The following ASTN1 variants were observed in gnomAD, a reference collection of about 807,000 sequenced individuals.
ASTN1 encodes the protein astrotactin 1, also known as astrotactin-1.
A neutral mutation model predicts 140.7 loss-of-function variants in ASTN1; 41 were observed. That is an observed-to-expected ratio of 0.29 (90% CI 0.23 to 0.38). The LOEUF is 0.38. ASTN1 is among the 10% of genes least tolerant of loss of function. The pLI is 1.00. For synonymous variants in ASTN1, 640 were observed against 652.2 expected (o/e 0.98, Z 0.29); for missense variants, 1,479 against 1,678.8 (o/e 0.88, Z 2.08).
intron 1 of ASTN1, among the ~76,000 whole-genome samples, chr1:177,119,679 C>CG (rs1284586613): frequency 1.3e-5 from 2 of 152,152 alleles, no homozygotes; most frequent in Non-Finnish European, 2.9e-5. Flanking sequence ...CCTAGGACTC[C>CG]GTATACTCCT....
chr1:177,035,686 A>G (rs1315040073), intron 2 of ASTN1, among the ~76,000 whole-genome samples: 2 of 152,212 alleles, frequency 1.3e-5, no homozygotes, highest in African/African-American at 2.4e-5. Context: ...GACCCATTGC[A>G]TATCTATCTC....
chr1:177,116,456 A>C (rs11590343), intron 1 of ASTN1, among the ~76,000 whole-genome samples: 8,597 of 152,266 alleles, frequency 0.056, 270 homozygotes, highest in Admixed American at 0.067. Context: ...TTTAGGTAAC[A>C]GTTTCCTTCC....
At chr1:176,907,569 AG>A (rs1392127098) in intron 16 of ASTN1, among the ~76,000 whole-genome samples, 5 of 152,248 alleles carry the variant, frequency 3.3e-5, no homozygotes, top group Admixed American at 6.5e-5. Flanking sequence ...GTCCTGCTTT[AG>A]GGGGAAATAA....
chr1:177,126,125 C>G (rs1209724729), intron 1 of ASTN1, among the ~76,000 whole-genome samples: 1 of 152,170 alleles, frequency 6.6e-6, no homozygotes, highest in East Asian at 1.9e-4. Flanking sequence ...GCTTTCTTGG[C>G]TCATTCCTTG....
chr1:176,873,079 T>C (rs551755156), intron 21 of ASTN1, among the ~76,000 whole-genome samples: 2 of 152,366 alleles, frequency 1.3e-5, no homozygotes, highest in South Asian at 2.1e-4. Flanking sequence ...AATAGGATTA[T>C]AAAATTCTTG....
chr1:177,006,612 A>C (rs1321443915), intron 8 of ASTN1, among the ~76,000 whole-genome samples: 2 of 152,236 alleles, frequency 1.3e-5, no homozygotes. Flanking sequence ...ATAAAATTGA[A>C]ACAATTTATC....
intron 16 of ASTN1, among the ~76,000 whole-genome samples, chr1:176,909,885 A>G (rs1371342845): frequency 6.6e-6 from 1 of 152,208 alleles, no homozygotes; most frequent in East Asian, 1.9e-4. Flanking sequence ...ACTCAGCTAC[A>G]TTATGTCATG....
intron 1 of ASTN1, among the ~76,000 whole-genome samples, chr1:177,163,281 T>G (rs1189274213): frequency 1.3e-5 from 2 of 152,182 alleles, no homozygotes; most frequent in Non-Finnish European, 2.9e-5. Flanking sequence ...TTCTTTGAAT[T>G]TCTCCTGGGC....
At position 176,882,954 on chromosome 1, in the gene ASTN1, T is replaced by C. The variant is rs990090422; in HGVS notation, c.3267A>G (p.Ala1089=). ...LSFVDDIISG[A]KSPCAMPSQV... Reference sequence around the variant, plus strand: ...GAGATGGCATTGCACAAGGAGACTTTGCTCCAGAGATGATGTCGTCCACAA... The same window carrying C: ...GAGATGGCATTGCACAAGGAGACTTCGCTCCAGAGATGATGTCGTCCACAA... Residue 1089 remains alanine (A), a synonymous_variant, in exon 20 of 23, where the codon GCA becomes GCG. Coordinates refer to ENST00000361833, the MANE Select transcript of ASTN1 (RefSeq NM_004319.3). 5.6e-6 allele frequency: 9 copies of C among 1,614,170 alleles called. No homozygotes were observed. Among genetic ancestry groups the C allele is most frequent in the Non-Finnish European group, 5.9e-6 (7 of 1,180,026 alleles).
chr1:177,006,839 G>A (rs1297515530), intron 8 of ASTN1, among the ~76,000 whole-genome samples: 1 of 152,178 alleles, frequency 6.6e-6, no homozygotes, highest in Non-Finnish European at 1.5e-5. Flanking sequence ...CCACGGGGAG[G>A]AGGTGGGATG....
intron 17 of ASTN1, among the ~76,000 whole-genome samples, chr1:176,889,121 A>T (rs1453629541): frequency 6.6e-6 from 1 of 152,254 alleles, no homozygotes; most frequent in Non-Finnish European, 1.5e-5. Context: ...TTTACTATTA[A>T]GTAAAAGGAC....
intron 1 of ASTN1, among the ~76,000 whole-genome samples, chr1:177,113,176 G>C (rs1680904479): frequency 6.6e-6 from 1 of 152,066 alleles, no homozygotes; most frequent in African/African-American, 2.4e-5. Context: ...GGAGGCACGG[G>C]GGCAGTCAAT....
In ASTN1 at chr1:177,014,413, C is replaced by T. The variant is rs1675442217; in HGVS notation, c.1523+378G>A. On this transcript the variant is annotated intron_variant, in intron 8 of 22. Transcript: ENST00000361833. ...TTCCACTCATGTCAGTCTTGCAAAG[C>T]TCATCAGGCTCTGGGAGAGCTACAT... Among the ~76,000 whole-genome samples the T allele has an allele frequency of 2.6e-5, 4 of 152,160 alleles. No homozygotes were observed. In the South Asian group the frequency reaches 8.3e-4, roughly 31 times the overall value.
chr1:176,965,343 G>A, intron 8 of ASTN1, 106 bp from the exon 9 acceptor site: 2 of 1,089,258 alleles, frequency 1.8e-6, no homozygotes, highest in South Asian at 1.5e-5. Flanking sequence ...AGCCATCCAG[G>A]GCATAGCCTC....
At chr1:177,024,388 T>C (rs1675992228) in intron 6 of ASTN1, among the ~76,000 whole-genome samples, 195 bp downstream of exon 6, 2 of 152,192 alleles carry the variant, frequency 1.3e-5, no homozygotes, top group Non-Finnish European at 2.9e-5. Context: ...GTGATCACTT[T>C]AGTTTATTTT....
intron 1 of ASTN1, among the ~76,000 whole-genome samples, chr1:177,155,231 G>A (rs1348994747): frequency 1.3e-5 from 2 of 152,186 alleles, no homozygotes; most frequent in Non-Finnish European, 2.9e-5. Context: ...AATAGATGAA[G>A]GGTAGGAGAT....
chr1:176,880,730 T>C (rs1668760203), intron 20 of ASTN1, among the ~76,000 whole-genome samples: 1 of 152,110 alleles, frequency 6.6e-6, no homozygotes, highest in South Asian at 2.1e-4. Context: ...TAATATGAGG[T>C]AATGAGGTCA....
chr1:177,155,209 C>T (rs551479333), intron 1 of ASTN1, among the ~76,000 whole-genome samples: 1 of 152,100 alleles, frequency 6.6e-6, no homozygotes, highest in Admixed American at 6.6e-5. Context: ...GGAAGTAAGG[C>T]ATGGAGGATT....
At chr1:177,146,759 G>A (rs919290860) in intron 1 of ASTN1, among the ~76,000 whole-genome samples, 2 of 152,060 alleles carry the variant, frequency 1.3e-5, no homozygotes, top group African/African-American at 4.8e-5. Flanking sequence ...AGATCACTTA[G>A]TTCACTTTCA....
Sources: gnomAD v4.1 joint callset for allele counts (sites outside exome capture counted in the v4.1 genomes callset) on GRCh38, gnomAD v4.1.1 for gene constraint, MANE v1.5 for transcripts, NCBI Gene and HGNC (gene_info 2026-07-23, HGNC 2026-07-21) for gene names.